SULF2: variants seen among roughly 807,000 people sequenced by gnomAD.
The protein encoded by SULF2 is extracellular sulfatase Sulf-2.
In SULF2, 52 loss-of-function variants were observed where a neutral mutation model predicts 107.7. The observed-to-expected ratio is 0.48, with a 90% confidence interval of 0.39 to 0.61. SULF2 has a LOEUF of 0.61. Ranked by LOEUF, SULF2 falls within the 20% of genes least tolerant of loss-of-function variation. SULF2 has a pLI of 0.00. For missense variants in SULF2, 993 were observed against 1,177.3 expected (o/e 0.84, Z 2.29); for synonymous variants, 460 against 464.3 (o/e 0.99, Z 0.12).
In SULF2 at chr20:47,732,616, T is replaced by G. The variant is rs953168046; in HGVS notation, c.415+4087A>C. On this transcript the variant is annotated intron_variant, in intron 3 of 20. Transcript: ENST00000688720. ...TAGCCCTTTGGGAGGCCGAGGAGGGTGGATCGCTTGAGGTCAGGAGTTCGA... is the reference window on the plus strand; with the variant it reads ...TAGCCCTTTGGGAGGCCGAGGAGGGGGGATCGCTTGAGGTCAGGAGTTCGA... 1.0e-4 allele frequency among the ~76,000 whole-genome samples: 15 copies of G among 144,506 alleles called. No homozygotes were observed. The South Asian group carries it at 1.7e-3, about 17-fold the overall frequency. The allele number at this position is 144,506 out of a possible 152,430, so 94.8% of individuals were successfully genotyped here. A position where few individuals can be genotyped will look rare whatever the true frequency, so the allele number is the denominator to read the frequency against.
intron 3 of SULF2, among the ~76,000 whole-genome samples, chr20:47,715,356 ATC>A (rs1408012686): frequency 6.6e-6 from 1 of 151,948 alleles, no homozygotes; most frequent in Non-Finnish European, 1.5e-5. Context: ...GGTCATATTT[ATC>A]TGTCTTCTAG....
At chr20:47,691,410 T>A (rs1368236086) in intron 4 of SULF2, among the ~76,000 whole-genome samples, 1 of 152,186 alleles carries the variant, frequency 6.6e-6, no homozygotes, top group African/African-American at 2.4e-5. Context: ...TAGGAAGATA[T>A]GTATCACTGG....
At chr20:47,702,163 T>C (rs2088591043) in intron 4 of SULF2, among the ~76,000 whole-genome samples, 1 of 152,112 alleles carries the variant, frequency 6.6e-6, no homozygotes, top group Non-Finnish European at 1.5e-5. Context: ...GCTTAAGCAA[T>C]CCTCCCATTT....
intron 8 of SULF2, 22 bp from the exon 9 acceptor site, chr20:47,677,156 G>A (rs757733231): frequency 6.2e-7 from 1 of 1,613,396 alleles, no homozygotes; most frequent in East Asian, 2.2e-5. Flanking sequence ...CACGGCTCCT[G>A]CTTCTCAGCA....
intron 2 of SULF2, among the ~76,000 whole-genome samples, chr20:47,741,920 T>C (rs928792034): frequency 2.2e-4 from 33 of 152,216 alleles, no homozygotes; most frequent in Admixed American, 1.4e-3. Context: ...TTGTTTTTAA[T>C]GGGCTCAGAT....
At chr20:47,704,417 C>A (rs575189945) in intron 3 of SULF2, among the ~76,000 whole-genome samples, 27 of 152,010 alleles carry the variant, frequency 1.8e-4, no homozygotes, top group Non-Finnish European at 2.9e-4. Flanking sequence ...GGACTACAGG[C>A]GCATGCCACC....
intron 3 of SULF2, among the ~76,000 whole-genome samples, chr20:47,705,878 A>G (rs1275878163): frequency 6.6e-6 from 1 of 150,406 alleles, no homozygotes; most frequent in Non-Finnish European, 1.5e-5. Flanking sequence ...GCCTCACAGC[A>G]ACCTTTGCCT....
chr20:47,665,428 C>A, intron 13 of SULF2, 135 bp from the exon 14 acceptor site: 1 of 694,634 alleles, frequency 1.4e-6, no homozygotes, highest in South Asian at 1.7e-5. Flanking sequence ...CCAGGGCAAG[C>A]ACCGGCATGT....
Position 47,694,732 on chromosome 20 carries a change from T to C in SULF2, c.568-4437A>G, listed in dbSNP as rs2088316807. 6.6e-6 allele frequency among the ~76,000 whole-genome samples: 1 copy of C among 152,168 alleles called. No individual in the cohort carries two copies. The highest frequency in any genetic ancestry group is 2.4e-5 in the African/African-American group (1 of 41,434). The stretch of plus-strand genomic sequence containing the variant: ...CCTCAGCCCTAGGCAAAAGCGTGTT[T>C]CCCTCGAGTGGGCACTCCGCACCGG... On this transcript the variant is annotated intron_variant, in intron 4 of 20. Transcript: ENST00000688720. This position sits in a 1 kb window ranked among gnomAD's most constrained non-coding sequence, Gnocchi z 4.4.
intron 3 of SULF2, among the ~76,000 whole-genome samples, chr20:47,731,349 T>C (rs1203287723): frequency 6.6e-6 from 1 of 151,830 alleles, no homozygotes; most frequent in East Asian, 1.9e-4. Context: ...TACATCACCA[T>C]GCCTGGCTAA....
At chr20:47,661,752 C>T (rs1178696159) in intron 18 of SULF2, 21 bp downstream of exon 18, 9 of 1,513,556 alleles carry the variant, frequency 5.9e-6, no homozygotes, top group Non-Finnish European at 8.1e-6. Context: ...CCAAGGGCCC[C>T]ACGTTGGGGT....
chr20:47,753,933 C>T (rs1316565886), intron 2 of SULF2, among the ~76,000 whole-genome samples: 4 of 152,176 alleles, frequency 2.6e-5, no homozygotes, highest in Admixed American at 6.5e-5. Context: ...AGCAAAAGTC[C>T]GTTGGTCTCA....
chr20:47,699,033 AAAAAC>A (rs1225807373), intron 4 of SULF2, among the ~76,000 whole-genome samples: 1 of 152,216 alleles, frequency 6.6e-6, no homozygotes, highest in Non-Finnish European at 1.5e-5. Context: ...CTCTGTCTCA[AAAAAC>A]AAAACAAAAC....
intron 9 of SULF2, among the ~76,000 whole-genome samples, chr20:47,676,861 A>G (rs1444809475): frequency 6.6e-6 from 1 of 152,268 alleles, no homozygotes; most frequent in Non-Finnish European, 1.5e-5. Flanking sequence ...AAGACATTGT[A>G]GAGGCTGGAC....
chr20:47,749,411 TCC>T (rs2146864520), intron 2 of SULF2, among the ~76,000 whole-genome samples: 1 of 152,336 alleles, frequency 6.6e-6, no homozygotes, highest in African/African-American at 2.4e-5. Flanking sequence ...CCAGTGTGGG[TCC>T]GAATGAGCCT....
At chr20:47,674,201 G>T (rs1255916470) in intron 10 of SULF2, among the ~76,000 whole-genome samples, 1 of 152,262 alleles carries the variant, frequency 6.6e-6, no homozygotes, top group Non-Finnish European at 1.5e-5. Flanking sequence ...TGCTGCCCCT[G>T]CAACTACTCA....
At chr20:47,758,521 C>A (rs568476077) in intron 1 of SULF2, among the ~76,000 whole-genome samples, 1 of 152,118 alleles carries the variant, frequency 6.6e-6, no homozygotes, top group South Asian at 2.1e-4. Context: ...GAAAATTGAG[C>A]GCTAAAAGGT....
At chr20:47,670,646 T>A (rs1273640393) in intron 11 of SULF2, among the ~76,000 whole-genome samples, 1 of 1,552 alleles carries the variant, frequency 6.4e-4, no homozygotes, top group Non-Finnish European at 1.1e-3. Flanking sequence ...GAGTGGTTGC[T>A]GAGAACGGGT....
chr20:47,697,485 G>C lies in SULF2; in HGVS notation c.567+5034C>G, dbSNP rs879552160. Among the ~76,000 whole-genome samples the C allele has an allele frequency of 9.1e-4, 139 of 152,318 alleles. 1 individual carries two copies. Among genetic ancestry groups the C allele is most frequent in the Non-Finnish European group, 1.4e-3 (97 of 68,042 alleles). On this transcript the variant is annotated intron_variant, in intron 4 of 20. Transcript: ENST00000688720. ...CCTGATCTAGGGCCCAGGGCACAGG[G>C]CTCCTGAGCTCTGCCTTGGCTGGAA... is the stretch of plus-strand genomic sequence containing the variant.
Sources: gnomAD v4.1 joint callset for allele counts (sites outside exome capture counted in the v4.1 genomes callset) on GRCh38, gnomAD v4.1.1 for gene constraint, Gnocchi (gnomAD v3.1) non-coding constraint, MANE v1.5 for transcripts, NCBI Gene and HGNC (gene_info 2026-07-23, HGNC 2026-07-21) for gene names.